NOD1: variants seen among roughly 807,000 people sequenced by gnomAD.
The protein encoded by NOD1 is nucleotide binding oligomerization domain containing 1, also known as nucleotide-binding oligomerization domain-containing protein 1.
A neutral mutation model predicts 81.2 loss-of-function variants in NOD1; 70 were observed. That is an observed-to-expected ratio of 0.86 (90% CI 0.71 to 1.05). The LOEUF is 1.05. NOD1 is among the 50% of genes least tolerant of loss of function. NOD1 has a pLI of 0.00. For synonymous variants in NOD1, 508 were observed against 526.9 expected (o/e 0.96, Z 0.49); for missense variants, 1,233 against 1,228.0 (o/e 1.00, Z -0.06).
At chr7:30,438,296 G>A (rs1309295013) in intron 9 of NOD1, among the ~76,000 whole-genome samples, 1 of 152,216 alleles carries the variant, frequency 6.6e-6, no homozygotes, top group Non-Finnish European at 1.5e-5. Context: ...CAGTCTGCGT[G>A]GTAAGATGGT....
chr7:30,468,144 A>G (rs1339923305), intron 1 of NOD1, among the ~76,000 whole-genome samples: 2 of 152,230 alleles, frequency 1.3e-5, no homozygotes, highest in African/African-American at 4.8e-5. Context: ...CTGGCTTTCA[A>G]GTGGATTTTT....
rs1216085079 is a variant in NOD1, at chr7:30,425,540, C to T, written c.*98G>A. On this transcript the variant is annotated 3_prime_UTR_variant, in exon 14 of 14. Coordinates refer to ENST00000222823, the MANE Select transcript of NOD1 (RefSeq NM_006092.4). ...AGTGGACTCCTGATAGTCCCGCCTGCGCAGGCCCCTTTAAGACACTGACAC... is the reference window on the plus strand; with the variant it reads ...AGTGGACTCCTGATAGTCCCGCCTGTGCAGGCCCCTTTAAGACACTGACAC... The T allele has an allele frequency of 1.1e-5, 10 of 872,318 alleles. No individual in the cohort carries two copies. The highest frequency in any genetic ancestry group is 2.4e-5 in the East Asian group (1 of 41,216). The allele number at this position is 872,318 out of a possible 1,614,324, so 54.0% of individuals were successfully genotyped here.
At chr7:30,476,857 G>T (rs991176559) in intron 1 of NOD1, among the ~76,000 whole-genome samples, 2 of 152,196 alleles carry the variant, frequency 1.3e-5, no homozygotes, top group Non-Finnish European at 2.9e-5. Context: ...GGAATGGAGC[G>T]TTGAAGGGAA....
intron 9 of NOD1, 53 bp downstream of exon 9, chr7:30,446,087 GC>G: frequency 7.7e-7 from 1 of 1,302,952 alleles, no homozygotes; most frequent in Admixed American, 1.7e-5. Flanking sequence ...AGCAAGGCCC[GC>G]CCCCCACACA....
chr7:30,471,843 T>A (rs1305551616), intron 1 of NOD1, among the ~76,000 whole-genome samples: 1 of 152,190 alleles, frequency 6.6e-6, no homozygotes, highest in African/African-American at 2.4e-5. Context: ...AAGCTCCTGA[T>A]GAAGGATGCC....
At chr7:30,436,453 C>G (rs1784386225) in intron 10 of NOD1, among the ~76,000 whole-genome samples, 1 of 152,258 alleles carries the variant, frequency 6.6e-6, no homozygotes, top group Admixed American at 6.5e-5. Flanking sequence ...AAAGTCTCTT[C>G]TGCTACTGTC....
intron 11 of NOD1, among the ~76,000 whole-genome samples, chr7:30,433,729 C>T (rs1784146295): frequency 6.6e-6 from 1 of 152,080 alleles, no homozygotes; most frequent in Non-Finnish European, 1.5e-5. Context: ...CACCAAAGCT[C>T]CTTGGTGTAA....
chr7:30,458,381 G>A (rs1390115582), intron 3 of NOD1, among the ~76,000 whole-genome samples: 1 of 151,918 alleles, frequency 6.6e-6, no homozygotes, highest in Admixed American at 6.6e-5. Context: ...TAAAAAAAAG[G>A]TTTTTTTGTA....
intron 13 of NOD1, 108 bp downstream of exon 13, chr7:30,429,266 G>T: frequency 1.1e-6 from 1 of 903,404 alleles, no homozygotes; most frequent in Non-Finnish European, 1.9e-6. Context: ...ACTGTGCAGG[G>T]TTGCTGGAGG....
intron 4 of NOD1, 48 bp from the exon 5 acceptor site, chr7:30,455,359 C>A: frequency 6.5e-7 from 1 of 1,529,874 alleles, no homozygotes; most frequent in South Asian, 1.2e-5. Flanking sequence ...GAGGGGCATC[C>A]TCCTACCATA....
chr7:30,434,367 C>T (rs774623125), intron 11 of NOD1, among the ~76,000 whole-genome samples: 18 of 152,160 alleles, frequency 1.2e-4, no homozygotes, highest in Admixed American at 9.2e-4. Context: ...TGGCCATGTC[C>T]GGAGGCATTT....
chr7:30,446,124 C>A lies in NOD1; in HGVS notation c.2453+17G>T. The A allele has an allele frequency of 6.3e-7, 1 of 1,597,952 alleles. No individual in the cohort carries two copies. The highest frequency in any genetic ancestry group is 2.2e-5 in the East Asian group (1 of 44,788). The stretch of plus-strand genomic sequence containing the variant: ...CACAGCAGGTTGTACCACATACATC[C>A]ATCCCCTTCTACTCACCCAACCTCA... On this transcript the variant is annotated intron_variant, in intron 9 of 13. Coordinates refer to ENST00000222823, the MANE Select transcript of NOD1 (RefSeq NM_006092.4).
chr7:30,461,096 A>C (rs987253617), intron 1 of NOD1, among the ~76,000 whole-genome samples: 9 of 152,254 alleles, frequency 5.9e-5, no homozygotes, highest in Admixed American at 3.9e-4. Context: ...GTAAAAATGG[A>C]CAGGTGAAAT....
intron 13 of NOD1, among the ~76,000 whole-genome samples, chr7:30,426,347 G>A (rs1165358042): frequency 6.6e-6 from 1 of 151,562 alleles, no homozygotes; most frequent in African/African-American, 2.4e-5. Flanking sequence ...GTAACCTGGG[G>A]GTCAACCTGG....
intron 1 of NOD1, among the ~76,000 whole-genome samples, chr7:30,471,468 T>C (rs893566076): frequency 3.3e-5 from 5 of 152,250 alleles, no homozygotes; most frequent in African/African-American, 9.6e-5. Context: ...CATGCAGTGC[T>C]AAGGATGTGG....
intron 1 of NOD1, among the ~76,000 whole-genome samples, chr7:30,461,802 A>G (rs28404101): frequency 0.17 from 25,145 of 152,116 alleles, 2,237 homozygotes; most frequent in Admixed American, 0.23. Flanking sequence ...GCAGTGGCAC[A>G]ATCTTGGCCC....
intron 12 of NOD1, among the ~76,000 whole-genome samples, chr7:30,432,489 T>C (rs932343396): frequency 1.3e-5 from 2 of 152,246 alleles, no homozygotes; most frequent in Admixed American, 6.5e-5. Flanking sequence ...CATACATTGC[T>C]GGCGAGAATG....
chr7:30,453,861 C>G (rs201602747), intron 5 of NOD1, among the ~76,000 whole-genome samples: 5 of 152,314 alleles, frequency 3.3e-5, no homozygotes, highest in South Asian at 4.1e-4. Context: ...ATAGATTTAC[C>G]TTTTCTGGAC....
At chr7:30,426,604 T>C (rs755245913) in intron 13 of NOD1, among the ~76,000 whole-genome samples, 2 of 152,122 alleles carry the variant, frequency 1.3e-5, no homozygotes, top group African/African-American at 2.4e-5. Context: ...TCTGATCACA[T>C]GCCTCTCCTG....
Sources: gnomAD v4.1 joint callset for allele counts (sites outside exome capture counted in the v4.1 genomes callset) on GRCh38, gnomAD v4.1.1 for gene constraint, MANE v1.5 for transcripts, NCBI Gene and HGNC (gene_info 2026-07-23, HGNC 2026-07-21) for gene names.